The following STYXL2 variants were observed in gnomAD, a reference collection of about 807,000 sequenced individuals.
STYXL2 encodes the protein serine/threonine/tyrosine interacting like 2, also known as serine/threonine/tyrosine-interacting-like protein 2.
A neutral mutation model predicts 52.4 loss-of-function variants in STYXL2; 44 were observed. The ratio of observed to expected loss-of-function variants is 0.84; its 90% CI spans 0.66 to 1.08. STYXL2 has a LOEUF of 1.08. Among genes scored for constraint, STYXL2 ranks in the 50% least tolerant of loss-of-function variants. STYXL2 has a pLI of 0.00. For synonymous variants in STYXL2, 604 were observed against 586.9 expected (o/e 1.03, Z -0.42); for missense variants, 1,604 against 1,471.7 (o/e 1.09, Z -1.47).
Position 167,128,615 on chromosome 1 carries a change from G to GA in STYXL2, c.*11dup. 6.2e-7 allele frequency: 1 copy of GA among 1,603,358 alleles called. No individual in the cohort carries two copies. Among genetic ancestry groups the GA allele is most frequent in the Non-Finnish European group, 8.5e-7 (1 of 1,177,096 alleles). ...GAAAAGGAGGGAGGACTGAGCTGGG[G>GA]AAAATCTGAGAACACTGAAAGAAAC... is the stretch of plus-strand genomic sequence containing the variant. On this transcript the variant is annotated 3_prime_UTR_variant, in exon 6 of 6. Coordinates refer to ENST00000361200, the MANE Select transcript of STYXL2 (RefSeq NM_001080426.3).
rs1571349351 is a variant in STYXL2 at position 167,126,588 on chromosome 1, A to C, written c.1457A>C (p.Glu486Ala). ...TWDAWNERLL[E>A]IEKEASRRYH... ...GACGCATGGAACGAGAGGCTGCTGG[A>C]GATTGAGAAGGAGGCTTCCCGGAGG... The change falls in exon 6 of 6, where the codon GAG (glutamate) becomes GCG (alanine). Residue 486 changes from glutamate to alanine, a missense_variant. Physicochemically the swap from Glu to Ala is moderately radical, Grantham distance 107. Transcript: ENST00000361200. The C allele has an allele frequency of 2.5e-6, 4 of 1,613,982 alleles. No individual in the cohort carries two copies. Among genetic ancestry groups the C allele is most frequent in the African/African-American group, 2.7e-5 (2 of 75,036 alleles).
At position 167,128,745 on chromosome 1, in the gene STYXL2, C is replaced by A; in HGVS notation, c.*137C>A. ...GGGGCAGAGCCAAAATGAGAGGTACCAAGCATAAGGGCAGCAGAGGTGGAG... is the reference window on the plus strand; with the variant it reads ...GGGGCAGAGCCAAAATGAGAGGTACAAAGCATAAGGGCAGCAGAGGTGGAG... On this transcript the variant is annotated 3_prime_UTR_variant, in exon 6 of 6. Transcript: ENST00000361200. The A allele has an allele frequency of 7.2e-7, 1 of 1,380,348 alleles. No individual in the cohort carries two copies. The highest frequency in any genetic ancestry group is 1.5e-5 in the African/African-American group (1 of 68,578). 85.5% of individuals were successfully genotyped at this position (1,380,348 alleles called of 1,614,324 possible).
intron 2 of STYXL2, among the ~76,000 whole-genome samples, chr1:167,095,397 C>T (rs1012854469): frequency 2.0e-5 from 3 of 151,720 alleles, no homozygotes; most frequent in East Asian, 1.9e-4. Flanking sequence ...GGAAGCATTC[C>T]CTAGCACTAA....
chr1:167,115,637 A>G lies in STYXL2; in HGVS notation c.206-1691A>G, dbSNP rs560528349. Reference sequence around the variant, plus strand: ...TATATGTAGTAAGGGAAAGACATCTAAGTAGACACGGGAAGGGGAGCGGAC... The same window carrying G: ...TATATGTAGTAAGGGAAAGACATCTGAGTAGACACGGGAAGGGGAGCGGAC... On this transcript the variant is annotated intron_variant, in intron 3 of 5. Transcript: ENST00000361200. Among the ~76,000 whole-genome samples, 4 of 152,304 alleles carry G rather than the reference A, an allele frequency of 2.6e-5. No individual in the cohort carries two copies. The East Asian group carries it at 7.7e-4, about 29-fold the overall frequency.
intron 2 of STYXL2, among the ~76,000 whole-genome samples, chr1:167,103,236 T>C (rs1379260326): frequency 1.3e-5 from 2 of 152,240 alleles, no homozygotes; most frequent in Non-Finnish European, 2.9e-5. Context: ...AAGCTTTAAC[T>C]TAATTACTCC....
chr1:167,102,316 T>C (rs550459411), intron 2 of STYXL2, among the ~76,000 whole-genome samples: 4 of 151,436 alleles, frequency 2.6e-5, no homozygotes, highest in African/African-American at 9.7e-5. Context: ...TATATATATA[T>C]ATAAAAGATA....
chr1:167,095,465 G>C (rs1667264455), intron 2 of STYXL2, among the ~76,000 whole-genome samples: 1 of 152,128 alleles, frequency 6.6e-6, no homozygotes, highest in Admixed American at 6.5e-5. Context: ...GTGCATGCCT[G>C]GGGCAAGTGG....
chr1:167,128,978 T>C lies in STYXL2; in HGVS notation c.*370T>C, dbSNP rs750932387. Reference sequence around the variant, plus strand: ...CTCCAGTTTACATCCAGAAAGGCCATGAACATAGGACACGCTTCTGTCTGT... The same window carrying C: ...CTCCAGTTTACATCCAGAAAGGCCACGAACATAGGACACGCTTCTGTCTGT... On this transcript the variant is annotated 3_prime_UTR_variant, in exon 6 of 6. Transcript: ENST00000361200. 1.6e-4 allele frequency: 32 copies of C among 203,866 alleles called. No individual in the cohort carries two copies. Among genetic ancestry groups the C allele is most frequent in the Non-Finnish European group, 2.9e-4 (29 of 100,316 alleles). The allele number at this position is 203,866 out of a possible 1,614,324, so 12.6% of individuals were successfully genotyped here. A position where few individuals can be genotyped will look rare whatever the true frequency, so the allele number is the denominator to read the frequency against.
intron 3 of STYXL2, among the ~76,000 whole-genome samples, chr1:167,114,741 C>A (rs776424595): frequency 2.4e-4 from 37 of 152,172 alleles, no homozygotes; most frequent in Non-Finnish European, 1.6e-4. Context: ...TTCTCAAAGA[C>A]CCATCTGCTT....
At chr1:167,097,690 T>A (rs913263524) in intron 2 of STYXL2, among the ~76,000 whole-genome samples, 4 of 147,304 alleles carry the variant, frequency 2.7e-5, no homozygotes, top group Non-Finnish European at 4.5e-5. Context: ...AACTATAGGT[T>A]AAAAAAAAAA....
At chr1:167,111,150 G>C (rs1318425071) in intron 2 of STYXL2, among the ~76,000 whole-genome samples, 1 of 152,084 alleles carries the variant, frequency 6.6e-6, no homozygotes, top group Non-Finnish European at 1.5e-5. Context: ...TCCTGAGAAA[G>C]AAGAGAAATC....
At chr1:167,118,330 C>T (rs987657950) in intron 4 of STYXL2, among the ~76,000 whole-genome samples, 3 of 152,154 alleles carry the variant, frequency 2.0e-5, no homozygotes, top group Non-Finnish European at 2.9e-5. Context: ...GCTGACTCAT[C>T]GAATACTTAA....
At chr1:167,112,752 C>T (rs1468987554) in intron 2 of STYXL2, among the ~76,000 whole-genome samples, 1 of 152,204 alleles carries the variant, frequency 6.6e-6, no homozygotes, top group East Asian at 1.9e-4. Flanking sequence ...ACAATTTTCT[C>T]ATCGGTAATG....
Position 167,126,152 on chromosome 1 carries a change from C to T in STYXL2, c.1021C>T (p.Leu341Phe). 1 of 1,512,484 alleles carries T rather than the reference C, an allele frequency of 6.6e-7. No homozygotes were observed. The highest frequency in any genetic ancestry group is 8.8e-7 in the Non-Finnish European group (1 of 1,133,260). 93.7% of individuals were successfully genotyped at this position (1,512,484 alleles called of 1,614,324 possible). A position where few individuals can be genotyped will look rare whatever the true frequency, so the allele number is the denominator to read the frequency against. Residue 341 changes from leucine (L) to phenylalanine (F), a missense_variant, in exon 6 of 6, where the codon CTC becomes TTC. Transcript: ENST00000361200. The stretch of plus-strand genomic sequence containing the variant: ...CACCCAGGCCTCCAAGCCCCTCACC[C>T]TCATAGACGAGGAGGAGGAGGAGAA... ...KATQASKPLT[L>F]IDEEEEEKLY...
In STYXL2 at chr1:167,102,306, T is replaced by A. The variant is rs75251988; in HGVS notation, c.110+7347T>A. Reference sequence around the variant, plus strand: ...CAATAATAAAGCTGTTTTTTAAAAATATATATATATATAAAAGATAAATAA... The same window carrying A: ...CAATAATAAAGCTGTTTTTTAAAAAAATATATATATATAAAAGATAAATAA... On this transcript the variant is annotated intron_variant, in intron 2 of 5. Transcript: ENST00000361200. Among the ~76,000 whole-genome samples, 903 of 131,224 alleles carry A rather than the reference T, an allele frequency of 6.9e-3. 9 individuals carry two copies. Among genetic ancestry groups the A allele is most frequent in the African/African-American group, 0.022 (710 of 32,732 alleles). The allele number at this position is 131,224 out of a possible 152,430, so 86.1% of individuals were successfully genotyped here. A position where few individuals can be genotyped will look rare whatever the true frequency, so the allele number is the denominator to read the frequency against.
intron 5 of STYXL2, among the ~76,000 whole-genome samples, chr1:167,121,076 A>G (rs1377305261): frequency 2.0e-5 from 3 of 148,882 alleles, no homozygotes; most frequent in Admixed American, 6.7e-5. Flanking sequence ...CAATGGTGCC[A>G]TCTACGGCTC....
Position 167,117,239 on chromosome 1 carries a change from C to G in STYXL2, c.206-89C>G, listed in dbSNP as rs186324236. The G allele has an allele frequency of 6.3e-4, 755 of 1,206,938 alleles. 3 individuals carry two copies. The African/African-American group carries it at 8.4e-3, about 13-fold the overall frequency. 74.8% of individuals were successfully genotyped at this position (1,206,938 alleles called of 1,614,324 possible). Reference sequence around the variant, plus strand: ...CAGTCCATGCCCAGAATCCTGGCAGCAAACTGGCCAAGAGCATGTTCTCCC... The same window carrying G: ...CAGTCCATGCCCAGAATCCTGGCAGGAAACTGGCCAAGAGCATGTTCTCCC... On this transcript the variant is annotated intron_variant, in intron 3 of 5. Coordinates refer to ENST00000361200, the MANE Select transcript of STYXL2 (RefSeq NM_001080426.3).
Position 167,126,568 on chromosome 1 carries a change from A to ACC in STYXL2, c.1437_1438insCC (p.Trp480ProfsTer98). On this transcript the variant is annotated frameshift_variant, in exon 6 of 6. Coordinates refer to ENST00000361200, the MANE Select transcript of STYXL2 (RefSeq NM_001080426.3). LOFTEE classifies it low-confidence loss of function (END_TRUNC). ...TGTCCTCGGAGAGCACCTGGGACGC[A>ACC]TGGAACGAGAGGCTGCTGGAGATTG... 1 of 1,614,028 alleles carries ACC rather than the reference A, an allele frequency of 6.2e-7. No homozygotes were observed. Among genetic ancestry groups the ACC allele is most frequent in the Non-Finnish European group, 8.5e-7 (1 of 1,180,006 alleles).
Position 167,128,234 on chromosome 1 carries a change from G to A in STYXL2, c.3103G>A (p.Glu1035Lys). 1 of 1,614,150 alleles carries A rather than the reference G, an allele frequency of 6.2e-7. No homozygotes were observed. Among genetic ancestry groups the A allele is most frequent in the Non-Finnish European group, 8.5e-7 (1 of 1,180,022 alleles). ...TYNETSSSRE[E>K]SPEPYFFRRT... ...CAACGAGACCTCAAGTTCCCGAGAG[G>A]AGAGCCCAGAGCCCTACTTCTTCCG... The change falls in exon 6 of 6, where the codon GAG (glutamate) becomes AAG (lysine). Residue 1035 changes from glutamate to lysine, a missense_variant. By Grantham distance (56) the Glu-to-Lys change is moderately conservative (BLOSUM62 1). Transcript: ENST00000361200.
Sources: allele counts gnomAD v4.1 joint callset (sites outside exome capture counted in the v4.1 genomes callset), GRCh38; gene constraint gnomAD v4.1.1; transcripts MANE v1.5; gene names NCBI Gene and HGNC (gene_info 2026-07-23, HGNC 2026-07-21).